THAP6: variants seen among roughly 807,000 people sequenced by gnomAD.
The protein encoded by THAP6 is THAP domain-containing protein 6.
In THAP6, 13 loss-of-function variants were observed where a neutral mutation model predicts 20.0. That is an observed-to-expected ratio of 0.65 (90% CI 0.42 to 1.03). The LOEUF is 1.03. THAP6 is among the 50% of genes least tolerant of loss of function. The pLI, the probability that THAP6 is intolerant of heterozygous loss-of-function variation, is 0.00. For missense variants in THAP6, 262 were observed against 261.6 expected (o/e 1.00, Z -0.01); for synonymous variants, 93 against 92.2 (o/e 1.01, Z -0.05).
rs561421719 is a variant in THAP6, at chr4:75,529,445, C to T, written c.*2231C>T. The T allele has an allele frequency of 5.1e-5, 50 of 985,410 alleles. No homozygotes were observed. The Admixed American group carries it at 6.1e-4, about 12-fold the overall frequency. The allele number at this position is 985,410 out of a possible 1,614,324, so 61.0% of individuals were successfully genotyped here. A position where few individuals can be genotyped will look rare whatever the true frequency, so the allele number is the denominator to read the frequency against. On this transcript the variant is annotated 3_prime_UTR_variant, in exon 5 of 5. Transcript: ENST00000311638. ...CCTAGTATAACTGAGAAATAAATAA[C>T]TGTGTGCAAAATATTGGTATCATTA...
chr4:75,522,965 A>G (rs1384074881), intron 4 of THAP6, among the ~76,000 whole-genome samples: 1 of 152,170 alleles, frequency 6.6e-6, no homozygotes, highest in Non-Finnish European at 1.5e-5. Flanking sequence ...GGTGTATACC[A>G]CACCCAGCAG....
At chr4:75,534,468 A>G (rs1266670534), downstream of THAP6, among the ~76,000 whole-genome samples, 1 of 152,184 alleles carries the variant, frequency 6.6e-6, no homozygotes, top group African/African-American at 2.4e-5. Flanking sequence ...CCTAGAAGAA[A>G]ACCTAGGCAA....
intron 2 of THAP6, chr4:75,540,027 G>T (rs914555392): frequency 3.9e-5 from 58 of 1,493,328 alleles, no homozygotes; most frequent in Non-Finnish European, 5.1e-5. Flanking sequence ...AAGGAACATT[G>T]TATCACTGAA....
downstream of THAP6, among the ~76,000 whole-genome samples, chr4:75,533,774 T>A (rs1201847628): frequency 6.6e-6 from 1 of 151,986 alleles, no homozygotes; most frequent in Non-Finnish European, 1.5e-5. Context: ...AATTTTTTTT[T>A]ATTATACTTT....
At chr4:75,532,366 G>A (rs1726708525), downstream of THAP6, among the ~76,000 whole-genome samples, 1 of 152,192 alleles carries the variant, frequency 6.6e-6, no homozygotes, top group South Asian at 2.1e-4. Context: ...CTATAGTCTT[G>A]GGCAGCTCCT....
chr4:75,526,951 T>C lies in THAP6; in HGVS notation c.415-9T>C, dbSNP rs1334053431. 3 of 1,609,512 alleles carry C rather than the reference T, an allele frequency of 1.9e-6. No homozygotes were observed. Among genetic ancestry groups the C allele is most frequent in the Admixed American group, 1.7e-5 (1 of 59,514 alleles). On this transcript the variant is annotated splice_polypyrimidine_tract_variant and intron_variant, in intron 4 of 4. Coordinates refer to ENST00000311638, the MANE Select transcript of THAP6 (RefSeq NM_144721.6). ...GTCTGATTTAATAACTTGGTGTTTA[T>C]GTTTTTAGGAACATAGCTACAGTGT...
intron 2 of THAP6, chr4:75,539,781 T>G (rs17000620): frequency 0.043 from 65,318 of 1,519,624 alleles, 2,075 homozygotes; most frequent in African/African-American, 0.14. Context: ...TTTATTTCAT[T>G]GCGTATAAAA....
At chr4:75,538,279 A>G (rs1726918001) in intron 2 of THAP6, among the ~76,000 whole-genome samples, 1 of 152,150 alleles carries the variant, frequency 6.6e-6, no homozygotes, top group Non-Finnish European at 1.5e-5. Context: ...GTGCCCCAAA[A>G]CAGGAAATTA....
rs1037790059 is a variant in THAP6, at chr4:75,527,897, A to G, written c.*683A>G. 1.6e-5 allele frequency: 16 copies of G among 985,462 alleles called. No individual in the cohort carries two copies. The highest frequency in any genetic ancestry group is 1.9e-5 in the Non-Finnish European group (16 of 829,924). 61.0% of individuals were successfully genotyped at this position (985,462 alleles called of 1,614,324 possible). On this transcript the variant is annotated 3_prime_UTR_variant, in exon 5 of 5. Transcript: ENST00000311638. ...TGTAAACCAGAATAGCTTTAAAAAG[A>G]CAAAAAGGATCGTAGATCTGATTTT...
intron 1 of THAP6, 55 bp from the exon 2 acceptor site, chr4:75,515,378 A>G: frequency 6.6e-7 from 1 of 1,503,986 alleles, no homozygotes; most frequent in Non-Finnish European, 9.2e-7. Context: ...GAAAGGGAAA[A>G]TATTCCCCTT....
chr4:75,522,442 A>G (rs1354952471), intron 4 of THAP6: 1 of 152,232 alleles, frequency 6.6e-6, no homozygotes, highest in Non-Finnish European at 1.5e-5. Flanking sequence ...TTATGTTACA[A>G]AAAATCCAAT....
chr4:75,537,853 G>A (rs1477812387), intron 2 of THAP6, among the ~76,000 whole-genome samples: 1 of 152,178 alleles, frequency 6.6e-6, no homozygotes, highest in African/African-American at 2.4e-5. Flanking sequence ...ACAGCCTCTA[G>A]AAGCTGGAAA....
chr4:75,514,456 G>T, upstream of THAP6: 1 of 697,710 alleles, frequency 1.4e-6, no homozygotes, highest in Non-Finnish European at 2.3e-6. Flanking sequence ...CCGGGGCTAC[G>T]AGGCGGAAGC....
chr4:75,545,236 C>T (rs1412781625), intron 3 of THAP6, among the ~76,000 whole-genome samples: 4 of 152,144 alleles, frequency 2.6e-5, no homozygotes, highest in Non-Finnish European at 4.4e-5. Flanking sequence ...GAGCACAGCG[C>T]GGATTCACCC....
intron 2 of THAP6, among the ~76,000 whole-genome samples, chr4:75,542,020 A>G (rs1312732623): frequency 2.0e-5 from 3 of 152,134 alleles, no homozygotes; most frequent in African/African-American, 7.2e-5. Context: ...ACTTGTTATC[A>G]TTACCTTCAT....
chr4:75,518,244 A>G (rs1197667118), intron 3 of THAP6, among the ~76,000 whole-genome samples: 2 of 152,192 alleles, frequency 1.3e-5, no homozygotes, highest in African/African-American at 2.4e-5. Context: ...AAAACTATTG[A>G]TTTTCTTATA....
Position 75,527,354 on chromosome 4 carries a change from C to A in THAP6, c.*140C>A. 2 of 1,450,500 alleles carry A rather than the reference C, an allele frequency of 1.4e-6. No homozygotes were observed. Among genetic ancestry groups the A allele is most frequent in the Non-Finnish European group, 1.8e-6 (2 of 1,102,798 alleles). The allele number at this position is 1,450,500 out of a possible 1,614,324, so 89.9% of individuals were successfully genotyped here. A position where few individuals can be genotyped will look rare whatever the true frequency, so the allele number is the denominator to read the frequency against. On this transcript the variant is annotated 3_prime_UTR_variant, in exon 5 of 5. Coordinates refer to ENST00000311638, the MANE Select transcript of THAP6 (RefSeq NM_144721.6). ...GAGCATTATGCATTATAGTTGTTAT[C>A]CAAAGACTTTTTTGAAAATATGCAG...
At chr4:75,514,271 G>A (rs532274054), upstream of THAP6, 3 of 1,612,362 alleles carry the variant, frequency 1.9e-6, no homozygotes, top group Admixed American at 1.7e-5. Context: ...CCATCTTCCC[G>A]GGCCGTCGCC....
In THAP6 at chr4:75,515,418, C is replaced by G. The variant is rs762802775; in HGVS notation, c.-20-15C>G. 5.0e-5 allele frequency: 80 copies of G among 1,604,978 alleles called. No homozygotes were observed. Among genetic ancestry groups the G allele is most frequent in the Non-Finnish European group, 5.4e-5 (63 of 1,171,978 alleles). On this transcript the variant is annotated splice_polypyrimidine_tract_variant and intron_variant, in intron 1 of 4. Transcript: ENST00000311638. ...TTTCCGGTTACTAACTCTTAACATT[C>G]TAATTTTCTTTCAGTTTTGTTATGA... is the stretch of plus-strand genomic sequence containing the variant.
Sources: gnomAD v4.1 joint callset for allele counts (sites outside exome capture counted in the v4.1 genomes callset) on GRCh38, gnomAD v4.1.1 for gene constraint, MANE v1.5 for transcripts, NCBI Gene and HGNC (gene_info 2026-07-23, HGNC 2026-07-21) for gene names.